RSKR: variants seen among roughly 807,000 people sequenced by gnomAD.
RSKR encodes the protein ribosomal protein S6 kinase-related protein.
Under a neutral mutation model 56.8 loss-of-function variants are expected in RSKR, and 44 were observed. The ratio of observed to expected loss-of-function variants is 0.77; its 90% CI spans 0.61 to 1.00. The LOEUF is 1.00. RSKR is among the 50% of genes least tolerant of loss of function. The pLI is 0.00. For synonymous variants in RSKR, 181 were observed against 188.0 expected (o/e 0.96, Z 0.30); for missense variants, 510 against 506.9 (o/e 1.01, Z -0.06).
At chr17:28,612,784 A>ACTG (rs899173869) in intron 4 of RSKR, 97 bp from the exon 5 acceptor site, 26 of 1,149,292 alleles carry the variant, frequency 2.3e-5, no homozygotes, top group Non-Finnish European at 3.4e-5. Flanking sequence ...CAGAGGGGGA[A>ACTG]CTGCTGCCTC....
At chr17:28,612,428 A>G (rs894589399) in intron 5 of RSKR, 62 bp from the exon 6 acceptor site, 20 of 1,548,930 alleles carry the variant, frequency 1.3e-5, no homozygotes, top group Admixed American at 6.9e-5. Flanking sequence ...TGGGAGCTGC[A>G]ATGCCTGGGC....
chr17:28,613,555 T>C lies in RSKR; in HGVS notation c.209A>G (p.Lys70Arg). The change falls in exon 2 of 12, where the codon AAG (lysine) becomes AGG (arginine). Residue 70 changes from lysine to arginine, a missense_variant. Lys to Arg is a conservative substitution (Grantham distance 26, BLOSUM62 2). Coordinates refer to ENST00000301037, the MANE Select transcript of RSKR (RefSeq NM_001174103.2). The part of the protein sequence containing the change: ...GHHYLHQESL[K>R]PAPVLVEKPL... Reference sequence around the variant, plus strand: ...CTTCTCTACCAGTACTGGGGCTGGCTTTAGGGATTCCTGGTGCAGATAGTG... The same window carrying C: ...CTTCTCTACCAGTACTGGGGCTGGCCTTAGGGATTCCTGGTGCAGATAGTG... 6.2e-7 allele frequency: 1 copy of C among 1,614,188 alleles called. No individual in the cohort carries two copies. The highest frequency in any genetic ancestry group is 8.5e-7 in the Non-Finnish European group (1 of 1,180,034).
intron 2 of RSKR, 26 bp downstream of exon 2, chr17:28,613,414 C>T: frequency 6.2e-7 from 1 of 1,614,124 alleles, no homozygotes; most frequent in Non-Finnish European, 8.5e-7. Flanking sequence ...AGACTGAGAC[C>T]CCACTCAGGG....
rs1354212958 is a variant in RSKR at position 28,610,595 on chromosome 17, C to A, written c.1116G>T (p.Gln372His). Residue 372 changes from glutamine to histidine, a missense_variant, in exon 12 of 12, where the codon CAG (glutamine) becomes CAT (histidine). Coordinates refer to ENST00000301037, the MANE Select transcript of RSKR (RefSeq NM_001174103.2). ...VAFDPELLQK[Q>H]PVNFVTETQA... ...GTGTCTCCGTGACAAAGTTCACTGG[C>A]TGCTTCTGTAGGAGCTCTGGGTCGA... 1 of 1,535,970 alleles carries A rather than the reference C, an allele frequency of 6.5e-7. No homozygotes were observed. Among genetic ancestry groups the A allele is most frequent in the Non-Finnish European group, 8.7e-7 (1 of 1,146,890 alleles).
intron 11 of RSKR, 108 bp downstream of exon 11, chr17:28,611,035 A>T: frequency 1.0e-6 from 1 of 979,178 alleles, no homozygotes; most frequent in Non-Finnish European, 1.5e-6. Flanking sequence ...GTTAAGTTGG[A>T]GCCCCCTCAA....
Position 28,610,379 on chromosome 17 carries a change from A to T in RSKR, c.*99T>A. On this transcript the variant is annotated 3_prime_UTR_variant, in exon 12 of 12. Coordinates refer to ENST00000301037, the MANE Select transcript of RSKR (RefSeq NM_001174103.2). ...GGAGAGCAGAACGGTAAGAGGCTAC[A>T]AAATAAAAACAAACTGGATTATCAA... 1.7e-6 allele frequency: 2 copies of T among 1,162,202 alleles called. No individual in the cohort carries two copies. The highest frequency in any genetic ancestry group is 2.6e-5 in the East Asian group (1 of 38,848). 72.0% of individuals were successfully genotyped at this position (1,162,202 alleles called of 1,614,324 possible).
intron 11 of RSKR, 174 bp downstream of exon 11, chr17:28,610,969 G>A: frequency 1.5e-6 from 1 of 676,556 alleles, no homozygotes; most frequent in South Asian, 2.0e-5. Flanking sequence ...GAGATTTGGG[G>A]GACCAGGAAC....
chr17:28,608,334 C>G lies in RSKR; in HGVS notation c.*2144G>C, dbSNP rs1268058244. The G allele has an allele frequency of 6.6e-6, 1 of 152,068 alleles. No individual in the cohort carries two copies. Among genetic ancestry groups the G allele is most frequent in the East Asian group, 1.9e-4 (1 of 5,190 alleles). 9.4% of individuals were successfully genotyped at this position (152,068 alleles called of 1,614,324 possible). On this transcript the variant is annotated 3_prime_UTR_variant, in exon 12 of 12. Transcript: ENST00000301037. ...TATTATGAACTGTTACGATAAACAC[C>G]CTTTACAGTATCCACAGCAATTAAA...
At chr17:28,611,358 C>A in intron 10 of RSKR, 35 bp downstream of exon 10, 1 of 1,540,796 alleles carries the variant, frequency 6.5e-7, no homozygotes. Context: ...CAAGGCAAAG[C>A]TCTTCTCTGC....
chr17:28,612,514 G>T, intron 5 of RSKR, 104 bp downstream of exon 5: 1 of 1,419,402 alleles, frequency 7.0e-7, no homozygotes, highest in Non-Finnish European at 9.8e-7. Context: ...GAGGTGCCAT[G>T]AGAAGGGGGA....
rs2151529278 is a variant in RSKR at position 28,609,577 on chromosome 17, CTA to C, written c.*899_*900del. ...TGCAGACTGGCCTCAAGCTCCCAGACTATATTTTTTAGCTGCATTATTTAGGG... is the reference window on the plus strand; with the variant it reads ...TGCAGACTGGCCTCAAGCTCCCAGACTATTTTTTAGCTGCATTATTTAGGG... On this transcript the variant is annotated 3_prime_UTR_variant, in exon 12 of 12. Transcript: ENST00000301037. 6.6e-6 allele frequency: 1 copy of C among 151,972 alleles called. No individual in the cohort carries two copies. Among genetic ancestry groups the C allele is most frequent in the African/African-American group, 2.4e-5 (1 of 41,412 alleles). 9.4% of individuals were successfully genotyped at this position (151,972 alleles called of 1,614,324 possible).
In RSKR at chr17:28,609,957, G is replaced by C. The variant is rs926304479; in HGVS notation, c.*521C>G. 1 of 152,690 alleles carries C rather than the reference G, an allele frequency of 6.5e-6. No homozygotes were observed. Among genetic ancestry groups the C allele is most frequent in the Admixed American group, 6.5e-5 (1 of 15,502 alleles). The allele number at this position is 152,690 out of a possible 1,614,324, so 9.5% of individuals were successfully genotyped here. The stretch of plus-strand genomic sequence containing the variant: ...AATCCCAGCTACTCGGGAGGCTGAG[G>C]CATGAAAATCACTTCAACCCAGGAG... On this transcript the variant is annotated 3_prime_UTR_variant, in exon 12 of 12. Coordinates refer to ENST00000301037, the MANE Select transcript of RSKR (RefSeq NM_001174103.2).
intron 11 of RSKR, 66 bp downstream of exon 11, chr17:28,611,077 C>T: frequency 7.1e-7 from 1 of 1,403,502 alleles, no homozygotes; most frequent in Admixed American, 2.0e-5. Flanking sequence ...GGAAAAATCA[C>T]TTTAATGAAG....
chr17:28,613,444 A>C lies in RSKR; in HGVS notation c.320T>G (p.Leu107Arg). 2 of 1,614,196 alleles carry C rather than the reference A, an allele frequency of 1.2e-6. No individual in the cohort carries two copies. The highest frequency in any genetic ancestry group is 1.7e-6 in the Non-Finnish European group (2 of 1,180,028). ...PIRPIRGQQQ[L>R]KILGLVAKGS... The stretch of plus-strand genomic sequence containing the variant: ...TCAGGGATTCCACTGACTTACCTTC[A>C]GCTGCTGCTGCCCCCTAATGGGCCT... The change falls in exon 2 of 12, where the codon CTG (leucine) becomes CGG (arginine). Residue 107 changes from leucine to arginine, a missense_variant. Leu to Arg is a moderately radical substitution (Grantham distance 102). Coordinates refer to ENST00000301037, the MANE Select transcript of RSKR (RefSeq NM_001174103.2).
chr17:28,611,925 C>T, intron 7 of RSKR, 119 bp downstream of exon 7: 1 of 1,611,764 alleles, frequency 6.2e-7, no homozygotes, highest in East Asian at 2.2e-5. Flanking sequence ...TTCCCCAAAT[C>T]CTTGGCACCC....
In RSKR at chr17:28,613,353, G is replaced by A. The variant is rs1434029735; in HGVS notation, c.325-8C>T. The stretch of plus-strand genomic sequence containing the variant: ...AGCCACGAGGCCTAAAATCTGTACA[G>A]AGGAATGGAGAACAGGCCAGTTGAG... On this transcript the variant is annotated splice_region_variant and splice_polypyrimidine_tract_variant and intron_variant, in intron 2 of 11. Coordinates refer to ENST00000301037, the MANE Select transcript of RSKR (RefSeq NM_001174103.2). The A allele has an allele frequency of 6.2e-6, 10 of 1,614,216 alleles. No homozygotes were observed. The highest frequency in any genetic ancestry group is 5.9e-6 in the Non-Finnish European group (7 of 1,180,028).
At position 28,612,067 on chromosome 17, in the gene RSKR, C is replaced by A. The variant is rs1259132092; in HGVS notation, c.670G>T (p.Gly224Cys). The A allele has an allele frequency of 6.2e-7, 1 of 1,614,188 alleles. No homozygotes were observed. Among genetic ancestry groups the A allele is most frequent in the South Asian group, 1.1e-5 (1 of 91,084 alleles). ...ACCTTCACATCTCGATGCATGATGC[C>A]CAAGTCATGGAGATAACCTGTGGAT... ...VLVLCYLHDLGIMHRDVKMEN... is the reference protein window; with the variant it reads ...VLVLCYLHDLCIMHRDVKMEN... The change falls in exon 7 of 12, where the codon GGC (glycine) becomes TGC (cysteine). Residue 224 changes from glycine (G) to cysteine (C), a missense_variant. By Grantham distance (159) the Gly-to-Cys change is radical (BLOSUM62 -3). Coordinates refer to ENST00000301037, the MANE Select transcript of RSKR (RefSeq NM_001174103.2).
Position 28,612,057 on chromosome 17 carries a change from T to C in RSKR, c.680A>G (p.His227Arg), listed in dbSNP as rs2070823291. 1 of 1,614,120 alleles carries C rather than the reference T, an allele frequency of 6.2e-7. No homozygotes were observed. Among genetic ancestry groups the C allele is most frequent in the African/African-American group, 1.3e-5 (1 of 74,942 alleles). The change falls in exon 7 of 12, where the codon CAT becomes CGT. Residue 227 changes from histidine to arginine, a missense_variant. By Grantham distance (29) the His-to-Arg change is conservative (BLOSUM62 0). Coordinates refer to ENST00000301037, the MANE Select transcript of RSKR (RefSeq NM_001174103.2). ...ACTTAACTCTACCTTCACATCTCGA[T>C]GCATGATGCCCAAGTCATGGAGATA... ...LCYLHDLGIMHRDVKMENILL... is the reference protein window; with the variant it reads ...LCYLHDLGIMRRDVKMENILL...
In RSKR at chr17:28,610,681, G is replaced by A. The variant is rs1336701588; in HGVS notation, c.1030C>T (p.Leu344Phe). The A allele has an allele frequency of 8.5e-6, 13 of 1,536,176 alleles. No homozygotes were observed. The highest frequency in any genetic ancestry group is 1.1e-5 in the Non-Finnish European group (13 of 1,146,918). The change falls in exon 12 of 12, where the codon CTC (leucine) becomes TTC (phenylalanine). Residue 344 changes from leucine to phenylalanine, a missense_variant. Physicochemically the swap from Leu to Phe is conservative, Grantham distance 22. Transcript: ENST00000301037. ...TGATGCAGATAACGTAGACGATGGA[G>A]GGGGTTCTGGCATAAGAGCTGAAGG... ...LLHELLCQNP[L>F]HRLRYLHHFQ...
Sources: gnomAD v4.1 joint callset for allele counts on GRCh38, gnomAD v4.1.1 for gene constraint, MANE v1.5 for transcripts, NCBI Gene and HGNC (gene_info 2026-07-23, HGNC 2026-07-21) for gene names.